The following COL12A1 variants were observed in gnomAD, a reference collection of about 807,000 sequenced individuals.
COL12A1 encodes collagen alpha-1(XII) chain.
In COL12A1, 114 loss-of-function variants were observed where a neutral mutation model predicts 349.7. The observed-to-expected ratio is 0.33, with a 90% confidence interval of 0.28 to 0.38. The LOEUF (loss-of-function observed/expected upper bound fraction) is 0.38. Ranked by LOEUF, COL12A1 falls within the 10% of genes least tolerant of loss-of-function variation. The probability of loss-of-function intolerance (pLI) is 1.00; values close to 1 mark genes in which losing one functional copy is unlikely to be tolerated. For missense variants in COL12A1, 3,284 were observed against 3,756.9 expected, an observed-to-expected ratio of 0.87 and a Z score of 3.29; for synonymous variants, 1,369 against 1,329.0, an observed-to-expected ratio of 1.03 and a Z score of -0.66.
Position 75,152,485 on chromosome 6 carries a change from G to T in COL12A1, c.3566-3C>A. 6.2e-7 allele frequency: 1 copy of T among 1,613,124 alleles called. No homozygotes were observed. Among genetic ancestry groups the T allele is most frequent in the Non-Finnish European group, 8.5e-7 (1 of 1,179,532 alleles). ...AGCTCTGGTGAGACACTCCATCCCT[G>T]ACATGGCAATCATGAGACAAGACAG... On this transcript the variant is annotated splice_region_variant and splice_polypyrimidine_tract_variant and intron_variant, in intron 17 of 65. Transcript: ENST00000322507.
At chr6:75,135,305 A>C (rs367978155) in intron 31 of COL12A1, among the ~76,000 whole-genome samples, 5 of 152,212 alleles carry the variant, frequency 3.3e-5, no homozygotes, top group African/African-American at 1.2e-4. Context: ...CATTAAAATG[A>C]TTCAGCATAC....
At position 75,165,622 on chromosome 6, in the gene COL12A1, A is replaced by C. The variant is rs1278985861; in HGVS notation, c.2868T>G (p.Asp956Glu). 6.2e-7 allele frequency: 1 copy of C among 1,613,978 alleles called. No homozygotes were observed. The highest frequency in any genetic ancestry group is 1.1e-5 in the South Asian group (1 of 91,084). Reference protein sequence around the residue: ...VDTGEKNLPEDAIHTMIENLQ... With the variant: ...VDTGEKNLPEEAIHTMIENLQ... ...GATTTTCTATCATCGTATGAATTGCATCTTCAGGCAGATTTTTCTCTCCAG... is the reference window on the plus strand; with the variant it reads ...GATTTTCTATCATCGTATGAATTGCCTCTTCAGGCAGATTTTTCTCTCCAG... Residue 956 changes from aspartate to glutamate, a missense_variant, in exon 14 of 66, where the codon GAT (aspartate) becomes GAG (glutamate). This residue lies in a region of COL12A1 where 2,601 missense variants were observed against 2,824.8 expected (regional missense o/e 0.92). Transcript: ENST00000322507.
chr6:75,149,356 A>G (rs750497952), intron 21 of COL12A1, among the ~76,000 whole-genome samples: 3 of 151,984 alleles, frequency 2.0e-5, no homozygotes, highest in Non-Finnish European at 4.4e-5. Context: ...ATGCTCTGTG[A>G]GGACAGAATT....
chr6:75,173,525 C>A (rs368581680), intron 13 of COL12A1, among the ~76,000 whole-genome samples: 4 of 151,988 alleles, frequency 2.6e-5, no homozygotes, highest in Non-Finnish European at 4.4e-5. Context: ...TACAGGCATG[C>A]GCCACCACGC....
chr6:75,117,296 G>A, intron 47 of COL12A1, 86 bp downstream of exon 47: 1 of 1,368,262 alleles, frequency 7.3e-7, no homozygotes, highest in Non-Finnish European at 1.0e-6. Flanking sequence ...GCACAGACTT[G>A]ATCCCACAAA....
At chr6:75,191,060 A>G (rs1769902518) in intron 5 of COL12A1, among the ~76,000 whole-genome samples, 1 of 151,888 alleles carries the variant, frequency 6.6e-6, no homozygotes, top group Non-Finnish European at 1.5e-5. Context: ...CTATCCCCAT[A>G]AGTCAGAAAA....
Position 75,202,704 on chromosome 6 carries a change from G to A in COL12A1, c.73+16C>T. On this transcript the variant is annotated intron_variant, in intron 2 of 65. Coordinates refer to ENST00000322507, the MANE Select transcript of COL12A1 (RefSeq NM_004370.6). ...TTTTGCATTGTCACTCGGTGAAGGG[G>A]AAGGGAGCCTTTTACCTTCTGCCTC... 5.2e-6 allele frequency: 8 copies of A among 1,550,954 alleles called. No homozygotes were observed. The highest frequency in any genetic ancestry group is 1.4e-5 in the African/African-American group (1 of 73,166).
chr6:75,183,244 T>C lies in COL12A1; in HGVS notation c.1697A>G (p.Asn566Ser). The change falls in exon 10 of 66, where the codon AAT becomes AGT. Residue 566 changes from asparagine (N) to serine (S), a missense_variant. Physicochemically the swap from Asn to Ser is conservative, Grantham distance 46. This residue lies in a region of COL12A1 where 2,601 missense variants were observed against 2,824.8 expected (regional missense o/e 0.92). Transcript: ENST00000322507. ...AACTGCAAAGATTTCAACATCTGAA[T>C]TCCTCAGTTTTATCGCAGGATCTCT... ...AFRDPAIKLRNSDVEIFAVGV... is the reference protein window; with the variant it reads ...AFRDPAIKLRSSDVEIFAVGV... 3 of 1,614,196 alleles carry C rather than the reference T, an allele frequency of 1.9e-6. No individual in the cohort carries two copies. Among genetic ancestry groups the C allele is most frequent in the Non-Finnish European group, 2.5e-6 (3 of 1,180,026 alleles).
intron 13 of COL12A1, among the ~76,000 whole-genome samples, chr6:75,174,447 T>C (rs552543296): frequency 6.6e-6 from 1 of 152,236 alleles, no homozygotes; most frequent in African/African-American, 2.4e-5. Flanking sequence ...TCCCAGCTAC[T>C]TGGGATGCTG....
Position 75,102,579 on chromosome 6 carries a change from G to A in COL12A1, c.8415+18C>T, listed in dbSNP as rs768672391. 30 of 1,483,886 alleles carry A rather than the reference G, an allele frequency of 2.0e-5. No individual in the cohort carries two copies. In the Middle Eastern group the frequency reaches 2.9e-3, roughly 142 times the overall value. 91.9% of individuals were successfully genotyped at this position (1,483,886 alleles called of 1,614,324 possible). A position where few individuals can be genotyped will look rare whatever the true frequency, so the allele number is the denominator to read the frequency against. ...TTATCCACCACTCTCATTTAATACA[G>A]AAAGGCTTTGTGCTTACTTGCTCTC... On this transcript the variant is annotated intron_variant, in intron 56 of 65. Transcript: ENST00000322507.
intron 46 of COL12A1, among the ~76,000 whole-genome samples, chr6:75,118,393 C>A (rs1243736350): frequency 6.6e-6 from 1 of 152,150 alleles, no homozygotes; most frequent in Non-Finnish European, 1.5e-5. Flanking sequence ...TAATTTACTA[C>A]AACAAATTAT....
At chr6:75,133,451 T>C (rs753668441) in intron 33 of COL12A1, 29 bp from the exon 34 acceptor site, 3 of 1,587,820 alleles carry the variant, frequency 1.9e-6, no homozygotes, top group Non-Finnish European at 2.6e-6. Context: ...CAAAAAGCAT[T>C]GACTTGAAAA....
In COL12A1 at chr6:75,154,515, T is replaced by C. The variant is rs764153192; in HGVS notation, c.3466A>G (p.Asn1156Asp). Reference sequence around the variant, plus strand: ...CCTCCATCAAACATTCCAAAAACATTTACTTTATAGGTGGTACCAGCCCTA... The same window carrying C: ...CCTCCATCAAACATTCCAAAAACATCTACTTTATAGGTGGTACCAGCCCTA... The part of the protein sequence containing the change: ...ELRAGTTYKV[N>D]VFGMFDGGES... The change falls in exon 17 of 66, where the codon AAT becomes GAT. Residue 1156 changes from asparagine to aspartate, a missense_variant. This residue lies in a region of COL12A1 where 2,601 missense variants were observed against 2,824.8 expected (regional missense o/e 0.92). Transcript: ENST00000322507. The C allele has an allele frequency of 6.2e-7, 1 of 1,609,914 alleles. No individual in the cohort carries two copies.
Position 75,192,332 on chromosome 6 carries a change from G to T in COL12A1, c.214C>A (p.Leu72Ile), listed in dbSNP as rs1318884120. 6 of 1,610,794 alleles carry T rather than the reference G, an allele frequency of 3.7e-6. No individual in the cohort carries two copies. Among genetic ancestry groups the T allele is most frequent in the Admixed American group, 1.7e-5 (1 of 59,570 alleles). The change falls in exon 4 of 66, where the codon CTT becomes ATT. Residue 72 changes from leucine (L) to isoleucine (I), a missense_variant. Coordinates refer to ENST00000322507, the MANE Select transcript of COL12A1 (RefSeq NM_004370.6). ...TTDGPTKEFT[L>I]SASTTETLLS... ...AAAGTTTCAGTGGTACTAGCTGAAAGGGTAAATTCTTTAGTAGGCCCATCT... is the reference window on the plus strand; with the variant it reads ...AAAGTTTCAGTGGTACTAGCTGAAATGGTAAATTCTTTAGTAGGCCCATCT...
intron 24 of COL12A1, among the ~76,000 whole-genome samples, chr6:75,145,696 A>G (rs1767146900): frequency 6.7e-6 from 1 of 150,368 alleles, no homozygotes; most frequent in Non-Finnish European, 1.5e-5. Flanking sequence ...CAGTGGCTCA[A>G]TCTCAACTCA....
intron 32 of COL12A1, 29 bp from the exon 33 acceptor site, chr6:75,134,026 A>T: frequency 6.2e-7 from 1 of 1,602,286 alleles, no homozygotes; most frequent in East Asian, 2.3e-5. Flanking sequence ...CCATCACAGT[A>T]TAATGCTAAC....
rs1767403043 is a variant in COL12A1, at chr6:75,084,818, T to G, written c.*1729A>C. ...GGTGTAATTGAATTGAAAATAAGTA[T>G]AGCAAAAGATAAACTGCCCGCTCGA... On this transcript the variant is annotated 3_prime_UTR_variant, in exon 66 of 66. Transcript: ENST00000322507. 6.4e-6 allele frequency: 1 copy of G among 156,900 alleles called. No homozygotes were observed. Among genetic ancestry groups the G allele is most frequent in the African/African-American group, 2.4e-5 (1 of 41,552 alleles). 9.7% of individuals were successfully genotyped at this position (156,900 alleles called of 1,614,324 possible). A position where few individuals can be genotyped will look rare whatever the true frequency, so the allele number is the denominator to read the frequency against.
intron 59 of COL12A1, among the ~76,000 whole-genome samples, chr6:75,096,940 C>A (rs534538815): frequency 6.6e-6 from 1 of 150,990 alleles, no homozygotes; most frequent in African/African-American, 2.4e-5. Context: ...AGGAAATAAC[C>A]GAACCACCGA....
chr6:75,147,044 T>C (rs1417123515), intron 23 of COL12A1, among the ~76,000 whole-genome samples: 1 of 152,190 alleles, frequency 6.6e-6, no homozygotes, highest in Non-Finnish European at 1.5e-5. Flanking sequence ...CATATGTCTC[T>C]GGAAGCATTA....
Sources: gnomAD v4.1 joint callset for allele counts (sites outside exome capture counted in the v4.1 genomes callset) on GRCh38, gnomAD v4.1.1 for gene constraint, gnomAD v4.1.1 regional missense constraint, MANE v1.5 for transcripts, NCBI Gene and HGNC (gene_info 2026-07-23, HGNC 2026-07-21) for gene names.